The following RXRA variants were observed in gnomAD, a reference collection of about 807,000 sequenced individuals.
The protein encoded by RXRA is retinoid X receptor alpha.
A neutral mutation model predicts 44.5 loss-of-function variants in RXRA; 5 were observed. That is an observed-to-expected ratio of 0.11 (90% CI 0.06 to 0.24). The LOEUF is 0.24. RXRA is among the 10% of genes least tolerant of loss of function. RXRA has a pLI of 1.00. For missense variants in RXRA, 412 were observed against 646.5 expected, an observed-to-expected ratio of 0.64 and a Z score of 3.93; for synonymous variants, 291 against 271.4, an observed-to-expected ratio of 1.07 and a Z score of -0.71.
At chr9:134,386,281 G>T (rs1185735081) in intron 1 of RXRA, among the ~76,000 whole-genome samples, 1 of 152,268 alleles carries the variant, frequency 6.6e-6, no homozygotes, top group African/African-American at 2.4e-5. Context: ...CGATGGGGCC[G>T]CCCCTGTGGT....
rs79663765 is a variant in RXRA, at chr9:134,387,725, G to A, written c.29-13907G>A. Among the ~76,000 whole-genome samples, 49 of 152,338 alleles carry A rather than the reference G, an allele frequency of 3.2e-4. 1 individual carries two copies. The East Asian group carries it at 7.3e-3, about 23-fold the overall frequency. Reference sequence around the variant, plus strand: ...TGTCAGTAAGCAGCAGGCGTGCGGCGTGCCTGCCTCGCACACTTGTCCCGG... The same window carrying A: ...TGTCAGTAAGCAGCAGGCGTGCGGCATGCCTGCCTCGCACACTTGTCCCGG... On this transcript the variant is annotated intron_variant, in intron 1 of 9. Coordinates refer to ENST00000481739, the MANE Select transcript of RXRA (RefSeq NM_002957.6).
intron 5 of RXRA, among the ~76,000 whole-genome samples, chr9:134,421,094 G>A (rs1340339973): frequency 2.0e-5 from 3 of 152,232 alleles, no homozygotes; most frequent in South Asian, 4.1e-4. Flanking sequence ...TCGTCAGCTC[G>A]CCGCACCTGC....
intron 4 of RXRA, among the ~76,000 whole-genome samples, chr9:134,410,612 CA>C (rs1450109992): frequency 3.3e-5 from 5 of 152,270 alleles, no homozygotes; most frequent in South Asian, 2.1e-4. Context: ...GAAACTGGGA[CA>C]GGGGCAGGCA....
intron 6 of RXRA, chr9:134,425,446 C>G (rs1459934174): frequency 1.0e-6 from 1 of 984,932 alleles, no homozygotes. Flanking sequence ...CCACCTGCCC[C>G]CTTCATCCCA....
At chr9:134,338,769 C>T (rs939222318) in intron 1 of RXRA, among the ~76,000 whole-genome samples, 1 of 152,250 alleles carries the variant, frequency 6.6e-6, no homozygotes, top group Non-Finnish European at 1.5e-5. Context: ...GACCCCTGCA[C>T]TGTGCCCAGC....
Position 134,417,838 on chromosome 9 carries a change from C to G in RXRA, c.780+511C>G, listed in dbSNP as rs1564292887. 1.3e-5 allele frequency among the ~76,000 whole-genome samples: 2 copies of G among 152,060 alleles called. No homozygotes were observed. Among genetic ancestry groups the G allele is most frequent in the Admixed American group, 1.3e-4 (2 of 15,280 alleles). On this transcript the variant is annotated intron_variant, in intron 5 of 9. Transcript: ENST00000481739. This position sits in a 1 kb window ranked among gnomAD's most constrained non-coding sequence, Gnocchi z 6.1. The stretch of plus-strand genomic sequence containing the variant: ...GCTGCTGTTGATACAGGAAGCAGCT[C>G]TGCAGCCCCCCAGCTGGTCACCCCC...
At chr9:134,369,014 G>A (rs1830453713) in intron 1 of RXRA, among the ~76,000 whole-genome samples, 3 of 52,654 alleles carry the variant, frequency 5.7e-5, no homozygotes, top group Admixed American at 4.8e-4. Context: ...GTGTGTGTGT[G>A]GGGGGGGTTA....
chr9:134,372,363 C>T (rs1294308937), intron 1 of RXRA, among the ~76,000 whole-genome samples: 4 of 152,140 alleles, frequency 2.6e-5, no homozygotes, highest in East Asian at 1.9e-4. Context: ...AGCATGGACC[C>T]GTCCTGGGCC....
chr9:134,395,353 TG>T (rs967415426), intron 1 of RXRA, among the ~76,000 whole-genome samples: 132 of 152,250 alleles, frequency 8.7e-4, no homozygotes, highest in African/African-American at 2.9e-3. Context: ...TGGCCGGCCA[TG>T]GGGGGCTGAT....
chr9:134,408,002 G>T, intron 2 of RXRA, 147 bp from the exon 3 acceptor site: 1 of 578,750 alleles, frequency 1.7e-6, no homozygotes, highest in Admixed American at 3.5e-5. Flanking sequence ...GGAGCAGCGT[G>T]GCGGGTGGGG....
intron 1 of RXRA, among the ~76,000 whole-genome samples, chr9:134,369,217 TG>T (rs1345052955): frequency 3.3e-5 from 1 of 30,388 alleles, no homozygotes; most frequent in Non-Finnish European, 5.7e-5. Context: ...TATGTGTGTA[TG>T]GGGGGTTATG....
At chr9:134,378,350 G>GGCCAGTGCCTGTGT (rs1554752284) in intron 1 of RXRA, among the ~76,000 whole-genome samples, 36 of 151,498 alleles carry the variant, frequency 2.4e-4, no homozygotes, top group East Asian at 1.6e-3. Flanking sequence ...CGTGTGTGCC[G>GGCCAGTGCCTGTGT]GCCAGCGCCT....
At chr9:134,419,875 G>T (rs796628785) in intron 5 of RXRA, among the ~76,000 whole-genome samples, 1 of 152,134 alleles carries the variant, frequency 6.6e-6, no homozygotes, top group African/African-American at 2.4e-5. Context: ...CTCCTCCTCC[G>T]CTCCGGCCTC....
rs1405407844 is a variant in RXRA, at chr9:134,407,360, G to A, written c.280-789G>A. On this transcript the variant is annotated intron_variant, in intron 2 of 9. Transcript: ENST00000481739. This position sits in a 1 kb window ranked among gnomAD's most constrained non-coding sequence, Gnocchi z 4.8. ...CCTGGCCAAGCGCTTACCGCCCTGC[G>A]CAGCCAGGCTGGCTGGCAGGCTGCA... 6.6e-6 allele frequency among the ~76,000 whole-genome samples: 1 copy of A among 152,248 alleles called. No individual in the cohort carries two copies. Among genetic ancestry groups the A allele is most frequent in the East Asian group, 1.9e-4 (1 of 5,192 alleles).
chr9:134,401,955 C>G, intron 2 of RXRA, 73 bp downstream of exon 2: 2 of 1,270,992 alleles, frequency 1.6e-6, no homozygotes, highest in South Asian at 2.9e-5. Flanking sequence ...GCAGGACGAC[C>G]GCCTCATCTT....
intron 9 of RXRA, 62 bp downstream of exon 9, chr9:134,434,269 C>CCCCT: frequency 9.5e-6 from 12 of 1,259,486 alleles, no homozygotes; most frequent in Non-Finnish European, 1.4e-5. Context: ...GAGCCCCCAC[C>CCCCT]CCCTGCAAGG....
chr9:134,413,036 G>C (rs956314234), intron 4 of RXRA, among the ~76,000 whole-genome samples: 2 of 151,946 alleles, frequency 1.3e-5, no homozygotes, highest in Non-Finnish European at 2.9e-5. Context: ...GGATGTGGCT[G>C]ACCCACAGGT....
intron 1 of RXRA, among the ~76,000 whole-genome samples, chr9:134,357,855 A>T (rs1830301277): frequency 6.6e-6 from 1 of 152,222 alleles, no homozygotes; most frequent in Admixed American, 6.5e-5. Context: ...GGCAACCTTC[A>T]CACTGTCTGA....
At chr9:134,436,383 GC>G in intron 9 of RXRA, 83 bp from the exon 10 acceptor site, 7 of 1,393,030 alleles carry the variant, frequency 5.0e-6, no homozygotes, top group Non-Finnish European at 7.0e-6. Flanking sequence ...ATCAGACACA[GC>G]CCCATCCCCA....
Sources: allele counts gnomAD v4.1 joint callset (sites outside exome capture counted in the v4.1 genomes callset), GRCh38; gene constraint gnomAD v4.1.1; non-coding constraint Gnocchi (gnomAD v3.1); transcripts MANE v1.5; gene names NCBI Gene and HGNC (gene_info 2026-07-23, HGNC 2026-07-21).